The following LRMDA variants were observed in gnomAD, a reference collection of about 807,000 sequenced individuals.
LRMDA encodes leucine rich melanocyte differentiation associated.
LRMDA carries 18 observed loss-of-function variants against 29.8 expected under a neutral mutation model. That is an observed-to-expected ratio of 0.60 (90% confidence interval 0.42 to 0.90). The LOEUF (loss-of-function observed/expected upper bound fraction) is 0.90. Among genes scored for constraint, LRMDA ranks in the 40% least tolerant of loss-of-function variants. LRMDA has a pLI of 0.00. For synonymous variants in LRMDA, 125 were observed against 109.4 expected (o/e 1.14, Z -0.89); for missense variants, 273 against 273.9 (o/e 1.00, Z 0.02).
At chr10:76,121,535 G>A (rs1326762294) in intron 5 of LRMDA, among the ~76,000 whole-genome samples, 2 of 152,174 alleles carry the variant, frequency 1.3e-5, no homozygotes, top group Non-Finnish European at 2.9e-5. Context: ...CTGAGTTCTG[G>A]CTTCATATTT....
At chr10:76,291,827 A>G (rs779684643) in intron 5 of LRMDA, among the ~76,000 whole-genome samples, 2 of 152,022 alleles carry the variant, frequency 1.3e-5, no homozygotes, top group African/African-American at 2.4e-5. Context: ...AAGACAATCA[A>G]GTTACCTCTT....
chr10:76,350,472 T>A (rs1458792836), intron 6 of LRMDA, among the ~76,000 whole-genome samples: 2 of 152,014 alleles, frequency 1.3e-5, no homozygotes, highest in African/African-American at 4.8e-5. Context: ...CTCTGTTTCT[T>A]TCCAGTCATG....
intron 2 of LRMDA, among the ~76,000 whole-genome samples, chr10:75,952,182 C>T (rs1846587168): frequency 6.6e-6 from 1 of 152,166 alleles, no homozygotes; most frequent in African/African-American, 2.4e-5. Context: ...CAACCTCCCA[C>T]CCCGACCCCG....
rs151118560 is a variant in LRMDA, at chr10:75,469,549, A to T, written c.131+31055A>T. ...TCCTGTCAGCTAAGGTGGGTGTGCA[A>T]GTGTTGCACTGGCTGCCCATGTGTG... On this transcript the variant is annotated intron_variant, in intron 2 of 6. Coordinates refer to ENST00000611255, the MANE Select transcript of LRMDA (RefSeq NM_001305581.2). Among the ~76,000 whole-genome samples the T allele has an allele frequency of 2.9e-3, 437 of 151,266 alleles. 3 individuals carry two copies. The highest frequency in any genetic ancestry group is 0.01 in the African/African-American group (419 of 41,098).
intron 6 of LRMDA, among the ~76,000 whole-genome samples, chr10:76,506,595 G>A (rs1271289643): frequency 6.6e-6 from 1 of 151,908 alleles, no homozygotes; most frequent in African/African-American, 2.4e-5. Flanking sequence ...TATTTTTGTA[G>A]CTATCAACCA....
intron 2 of LRMDA, among the ~76,000 whole-genome samples, chr10:75,516,542 G>T (rs2132034932): frequency 6.6e-6 from 1 of 152,186 alleles, no homozygotes; most frequent in South Asian, 2.1e-4. Context: ...CCCACTTTTT[G>T]ATGGGGTTGT....
intron 2 of LRMDA, among the ~76,000 whole-genome samples, chr10:75,474,823 G>A (rs1240979096): frequency 2.0e-5 from 3 of 152,172 alleles, no homozygotes; most frequent in Non-Finnish European, 4.4e-5. Context: ...TGATGAATTT[G>A]AGAAATGTGG....
chr10:76,330,269 G>A (rs1043097584), intron 6 of LRMDA, among the ~76,000 whole-genome samples: 5 of 152,174 alleles, frequency 3.3e-5, no homozygotes, highest in Admixed American at 2.6e-4. Context: ...TTCTGAGATG[G>A]GGGGGCCTTT....
In LRMDA at chr10:76,357,914, C is replaced by T. The variant is rs564525772; in HGVS notation, c.601+33429C>T. Among the ~76,000 whole-genome samples the T allele has an allele frequency of 1.4e-4, 21 of 152,256 alleles. 1 individual carries two copies. The highest frequency in any genetic ancestry group is 1.3e-3 in the Admixed American group (20 of 15,290). ...GGGACTGTGAGGCCTCCGGAAGAAA[C>T]TCTTGACTTTGAGGAGCTTGGAGGC... On this transcript the variant is annotated intron_variant, in intron 6 of 6. Coordinates refer to ENST00000611255, the MANE Select transcript of LRMDA (RefSeq NM_001305581.2).
At chr10:76,236,515 C>A (rs756888488) in intron 5 of LRMDA, among the ~76,000 whole-genome samples, 1 of 152,214 alleles carries the variant, frequency 6.6e-6, no homozygotes, top group Non-Finnish European at 1.5e-5. Flanking sequence ...ATCTCCCTGT[C>A]CCATGACTTA....
chr10:76,048,084 A>G (rs1848470214), intron 4 of LRMDA, among the ~76,000 whole-genome samples: 1 of 152,190 alleles, frequency 6.6e-6, no homozygotes, highest in African/African-American at 2.4e-5. Context: ...TAAATGCTTT[A>G]ATGACCTTTT....
intron 2 of LRMDA, among the ~76,000 whole-genome samples, chr10:75,836,066 G>T (rs1265480914): frequency 6.6e-6 from 1 of 152,128 alleles, no homozygotes; most frequent in African/African-American, 2.4e-5. Context: ...TAGTGTAGGG[G>T]TTCAGGGCGA....
At chr10:76,154,159 C>T (rs1412076884) in intron 5 of LRMDA, among the ~76,000 whole-genome samples, 2 of 152,130 alleles carry the variant, frequency 1.3e-5, no homozygotes, top group Non-Finnish European at 2.9e-5. Flanking sequence ...TGGATTTGGC[C>T]ATTTTTCTCT....
At chr10:76,139,803 A>G (rs1163523953) in intron 5 of LRMDA, among the ~76,000 whole-genome samples, 2 of 152,138 alleles carry the variant, frequency 1.3e-5, no homozygotes, top group Non-Finnish European at 2.9e-5. Context: ...TGCACGTGTT[A>G]TTCTTCTGAC....
chr10:76,311,589 TC>T (rs2132378962), intron 5 of LRMDA, among the ~76,000 whole-genome samples: 1 of 152,312 alleles, frequency 6.6e-6, no homozygotes, highest in South Asian at 2.1e-4. Flanking sequence ...TAAATATTTT[TC>T]CCCCTTTAAT....
chr10:76,508,519 A>C (rs1452688804), intron 6 of LRMDA, among the ~76,000 whole-genome samples: 1 of 151,198 alleles, frequency 6.6e-6, no homozygotes, highest in Non-Finnish European at 1.5e-5. Flanking sequence ...ATAATCCATT[A>C]CTGTTGTTAT....
intron 6 of LRMDA, among the ~76,000 whole-genome samples, chr10:76,355,374 T>A (rs1841226792): frequency 1.3e-5 from 2 of 152,176 alleles, no homozygotes; most frequent in Admixed American, 1.3e-4. Context: ...AAGCACAGCA[T>A]CAGGTTACCA....
chr10:75,749,111 A>C (rs1353512775), intron 2 of LRMDA, among the ~76,000 whole-genome samples: 5 of 152,204 alleles, frequency 3.3e-5, no homozygotes, highest in Middle Eastern at 3.2e-3. Flanking sequence ...ACTCAATGTA[A>C]AGATAATGAG....
intron 2 of LRMDA, among the ~76,000 whole-genome samples, chr10:75,448,995 T>C (rs902678598): frequency 3.3e-5 from 5 of 151,772 alleles, no homozygotes; most frequent in Non-Finnish European, 7.4e-5. Context: ...CTACTAAAAA[T>C]ACAAAAATTA....
Sources: allele counts gnomAD v4.1 joint callset (sites outside exome capture counted in the v4.1 genomes callset), GRCh38; gene constraint gnomAD v4.1.1; transcripts MANE v1.5; gene names NCBI Gene and HGNC (gene_info 2026-07-23, HGNC 2026-07-21).